TMC7: variants seen among roughly 807,000 people sequenced by gnomAD.
The protein encoded by TMC7 is transmembrane channel like 7.
In TMC7, 54 loss-of-function variants were observed where a neutral mutation model predicts 82.9. That is an observed-to-expected ratio of 0.65 (90% CI 0.52 to 0.82). TMC7 has a LOEUF of 0.82. Ranked by LOEUF, TMC7 falls within the 40% of genes least tolerant of loss-of-function variation. The probability of loss-of-function intolerance (pLI) is 0.00; values close to 1 mark genes in which losing one functional copy is unlikely to be tolerated. For synonymous variants in TMC7, 350 were observed against 337.9 expected, an observed-to-expected ratio of 1.04 and a Z score of -0.39; for missense variants, 820 against 901.2, an observed-to-expected ratio of 0.91 and a Z score of 1.15.
chr16:19,061,637 T>C (rs986369933), intron 15 of TMC7, 141 bp from the exon 16 acceptor site: 2 of 626,584 alleles, frequency 3.2e-6, no homozygotes, highest in Non-Finnish European at 5.4e-6. Flanking sequence ...CAAGGGGCTG[T>C]GGAGCAGACA....
intron 1 of TMC7, among the ~76,000 whole-genome samples, chr16:18,998,243 G>C (rs1398663586): frequency 1.3e-5 from 2 of 152,170 alleles, no homozygotes; most frequent in Admixed American, 6.5e-5. Flanking sequence ...TAGGAGGTAG[G>C]AACCGCTGTC....
chr16:19,063,122 T>C lies in TMC7; in HGVS notation c.*1279T>C, dbSNP rs1247264015. The C allele has an allele frequency of 1.3e-5, 2 of 152,248 alleles. No individual in the cohort carries two copies. Among genetic ancestry groups the C allele is most frequent in the Non-Finnish European group, 2.9e-5 (2 of 68,042 alleles). 9.4% of individuals were successfully genotyped at this position (152,248 alleles called of 1,614,324 possible). A position where few individuals can be genotyped will look rare whatever the true frequency, so the allele number is the denominator to read the frequency against. ...ACCAATGAGCTTTTCGGTCTTTTCCTGACTTGGTAAGGTTTATGGGTTTCT... is the reference window on the plus strand; with the variant it reads ...ACCAATGAGCTTTTCGGTCTTTTCCCGACTTGGTAAGGTTTATGGGTTTCT... On this transcript the variant is annotated 3_prime_UTR_variant, in exon 16 of 16. Transcript: ENST00000304381.
rs1238940600 is a variant in TMC7, at chr16:19,045,385, C to G, written c.1500C>G (p.Ile500Met). Residue 500 changes from isoleucine (I) to methionine (M), a missense_variant, in exon 11 of 16, where the codon ATC becomes ATG. Ile to Met is a conservative substitution (Grantham distance 10, BLOSUM62 1). Coordinates refer to ENST00000304381, the MANE Select transcript of TMC7 (RefSeq NM_024847.4). The stretch of plus-strand genomic sequence containing the variant: ...GGCAGGAAATGTACAAGCTGATGAT[C>G]TTCGACTTCATCATCATCTTGGCTG... ...QVGQEMYKLMIFDFIIILAVT... is the reference protein window; with the variant it reads ...QVGQEMYKLMMFDFIIILAVT... 6.2e-7 allele frequency: 1 copy of G among 1,614,012 alleles called. No homozygotes were observed. The highest frequency in any genetic ancestry group is 8.5e-7 in the Non-Finnish European group (1 of 1,179,980).
chr16:19,055,292 A>G (rs1961719260), intron 13 of TMC7, among the ~76,000 whole-genome samples: 1 of 152,180 alleles, frequency 6.6e-6, no homozygotes, highest in African/African-American at 2.4e-5. Context: ...CACACTTAAG[A>G]AGATTAATAC....
intron 13 of TMC7, among the ~76,000 whole-genome samples, chr16:19,054,636 A>G (rs770861615): frequency 2.7e-5 from 4 of 150,452 alleles, no homozygotes; most frequent in African/African-American, 9.8e-5. Context: ...AATCACTTGA[A>G]CCTGGGAGGC....
Position 19,051,821 on chromosome 16 carries a change from A to G in TMC7, c.1871+5A>G. The G allele has an allele frequency of 6.2e-7, 1 of 1,613,694 alleles. No individual in the cohort carries two copies. Among genetic ancestry groups the G allele is most frequent in the Non-Finnish European group, 8.5e-7 (1 of 1,179,844 alleles). On this transcript the variant is annotated splice_donor_5th_base_variant and intron_variant, in intron 13 of 15. Transcript: ENST00000304381. The stretch of plus-strand genomic sequence containing the variant: ...TCTGACAATCAGCATATCACGGTAA[A>G]TGTGACTTTGTTTTCTAGAACATTT...
intron 1 of TMC7, 116 bp from the exon 2 acceptor site, chr16:19,009,056 A>G (rs911408535): frequency 3.3e-6 from 4 of 1,203,690 alleles, no homozygotes; most frequent in Admixed American, 4.5e-5. Context: ...TGCTGTCGTC[A>G]CTGACCCAGG....
intron 12 of TMC7, among the ~76,000 whole-genome samples, chr16:19,050,590 T>G (rs1261481713): frequency 6.6e-6 from 1 of 151,672 alleles, no homozygotes; most frequent in Non-Finnish European, 1.5e-5. Flanking sequence ...CTGGGCTCAA[T>G]CCATCCTCCC....
Position 19,021,756 on chromosome 16 carries a change from C to A in TMC7, c.588C>A (p.Ile196=). Reference sequence around the variant, plus strand: ...CAGTCTTACTCACGAAATACAAGATCACCAACAGCAGCTTCGTGCTCATTC... The same window carrying A: ...CAGTCTTACTCACGAAATACAAGATAACCAACAGCAGCTTCGTGCTCATTC... The part of the protein sequence containing the change: ...LLPVLLTKYK[I]TNSSFVLIPF... The change falls in exon 4 of 16, where the codon ATC becomes ATA. Residue 196 remains isoleucine (I), a synonymous_variant. Transcript: ENST00000304381. The A allele has an allele frequency of 1.2e-6, 2 of 1,614,136 alleles. No homozygotes were observed. The highest frequency in any genetic ancestry group is 1.7e-6 in the Non-Finnish European group (2 of 1,180,020).
intron 6 of TMC7, among the ~76,000 whole-genome samples, chr16:19,034,728 A>C (rs1960668619): frequency 1.3e-5 from 2 of 152,098 alleles, no homozygotes; most frequent in Non-Finnish European, 2.9e-5. Flanking sequence ...GAAGGATGGG[A>C]AGGAGATCAG....
intron 4 of TMC7, among the ~76,000 whole-genome samples, chr16:19,022,756 C>T (rs959402865): frequency 2.0e-5 from 3 of 152,176 alleles, no homozygotes; most frequent in Non-Finnish European, 4.4e-5. Context: ...TGGCCGGGTC[C>T]GGGGGCTCAC....
chr16:19,054,375 C>T (rs1294936107), intron 13 of TMC7, among the ~76,000 whole-genome samples: 1 of 152,006 alleles, frequency 6.6e-6, no homozygotes, highest in Non-Finnish European at 1.5e-5. Context: ...CATGATCTTC[C>T]CCCCCAACCA....
At chr16:18,986,390 GAAA>G (rs1248730083) in intron 1 of TMC7, among the ~76,000 whole-genome samples, 1 of 73,122 alleles carries the variant, frequency 1.4e-5, no homozygotes. Flanking sequence ...GACTCTGTCT[GAAA>G]AAAAAAAAAA....
intron 1 of TMC7, 81 bp downstream of exon 1, chr16:18,984,211 G>T: frequency 1.4e-6 from 2 of 1,389,430 alleles, no homozygotes; most frequent in Non-Finnish European, 9.3e-7. Flanking sequence ...CTGGAGGCTC[G>T]GCCTGGCCGC....
chr16:19,036,654 G>T (rs1960763300), intron 7 of TMC7, among the ~76,000 whole-genome samples: 1 of 152,180 alleles, frequency 6.6e-6, no homozygotes, highest in African/African-American at 2.4e-5. Flanking sequence ...GGCAGAGGTT[G>T]CAGTGAGCCT....
chr16:19,018,999 T>C (rs2142203055), intron 3 of TMC7, among the ~76,000 whole-genome samples: 1 of 152,282 alleles, frequency 6.6e-6, no homozygotes, highest in South Asian at 2.1e-4. Context: ...TACAGGCACG[T>C]GCCACCAGGC....
At chr16:19,047,458 C>T (rs1384950840) in intron 12 of TMC7, among the ~76,000 whole-genome samples, 4 of 147,804 alleles carry the variant, frequency 2.7e-5, no homozygotes, top group East Asian at 4.0e-4. Context: ...AGTGCAGTGG[C>T]GTGATCTCGG....
At chr16:19,000,769 A>T (rs1274176091) in intron 1 of TMC7, among the ~76,000 whole-genome samples, 4 of 152,138 alleles carry the variant, frequency 2.6e-5, no homozygotes, top group African/African-American at 9.7e-5. Flanking sequence ...CTGTAATTTC[A>T]ATACTTTGGG....
intron 13 of TMC7, among the ~76,000 whole-genome samples, chr16:19,053,578 T>A (rs1394304648): frequency 6.6e-6 from 1 of 152,074 alleles, no homozygotes; most frequent in Non-Finnish European, 1.5e-5. Flanking sequence ...TAATTTTGTA[T>A]TTTTAGTAAA....
Sources: gnomAD v4.1 joint callset for allele counts (sites outside exome capture counted in the v4.1 genomes callset) on GRCh38, gnomAD v4.1.1 for gene constraint, MANE v1.5 for transcripts, NCBI Gene and HGNC (gene_info 2026-07-23, HGNC 2026-07-21) for gene names.